LRP5: variants seen among roughly 807,000 people sequenced by gnomAD.
LRP5 encodes the protein LDL receptor related protein 5, also known as low-density lipoprotein receptor-related protein 5.
LRP5 carries 62 observed loss-of-function variants against 154.1 expected under a neutral mutation model. The observed-to-expected ratio is 0.40, with a 90% CI of 0.33 to 0.50. LRP5 has a LOEUF of 0.50. Among genes scored for constraint, LRP5 ranks in the 20% least tolerant of loss-of-function variants. The probability of loss-of-function intolerance (pLI) is 0.55; values close to 1 mark genes in which losing one functional copy is unlikely to be tolerated. For synonymous variants in LRP5, 966 were observed against 1,011.5 expected, an observed-to-expected ratio of 0.96 and a Z score of 0.85; for missense variants, 1,915 against 2,336.7, an observed-to-expected ratio of 0.82 and a Z score of 3.72.
intron 1 of LRP5, among the ~76,000 whole-genome samples, chr11:68,322,185 G>A (rs1163358479): frequency 2.6e-5 from 4 of 151,810 alleles, no homozygotes; most frequent in South Asian, 2.1e-4. Context: ...CCGAGCTGAC[G>A]TCCATGCCTA....
At chr11:68,390,089 A>C in intron 7 of LRP5, 37 bp downstream of exon 7, 1 of 1,609,556 alleles carries the variant, frequency 6.2e-7, no homozygotes, top group Non-Finnish European at 8.5e-7. Context: ...CCAGGAGGCC[A>C]GGCCCAGCCA....
At chr11:68,318,408 C>T (rs998062483) in intron 1 of LRP5, among the ~76,000 whole-genome samples, 1 of 150,394 alleles carries the variant, frequency 6.6e-6, no homozygotes, top group African/African-American at 2.5e-5. Flanking sequence ...GATTCAGTCA[C>T]CGCTTACTGC....
At position 68,374,528 on chromosome 11, in the gene LRP5, G is replaced by C. The variant is rs79552138; in HGVS notation, c.1015+8826G>C. On this transcript the variant is annotated intron_variant, in intron 5 of 22. Transcript: ENST00000294304. Reference sequence around the variant, plus strand: ...GAGTGCTAACTTTATTTTTTTAATTGAGGTATAACTTGCAGGCAATAAAAC... The same window carrying C: ...GAGTGCTAACTTTATTTTTTTAATTCAGGTATAACTTGCAGGCAATAAAAC... Among the ~76,000 whole-genome samples, 596 of 152,202 alleles carry C rather than the reference G, an allele frequency of 3.9e-3. 7 individuals carry two copies. Among genetic ancestry groups the C allele is most frequent in the African/African-American group, 0.013 (556 of 41,508 alleles).
intron 1 of LRP5, among the ~76,000 whole-genome samples, chr11:68,334,615 C>G (rs2098604639): frequency 6.6e-6 from 1 of 152,120 alleles, no homozygotes; most frequent in Non-Finnish European, 1.5e-5. Flanking sequence ...CAGCTCATGC[C>G]TGTAATTCCA....
At chr11:68,351,258 G>T (rs2098618278) in intron 2 of LRP5, among the ~76,000 whole-genome samples, 1 of 152,066 alleles carries the variant, frequency 6.6e-6, no homozygotes, top group South Asian at 2.1e-4. Flanking sequence ...CCCCTCGTAT[G>T]CCCTCGCTGC....
chr11:68,342,307 TG>T (rs2098609648), intron 1 of LRP5, among the ~76,000 whole-genome samples: 1 of 152,138 alleles, frequency 6.6e-6, no homozygotes, highest in Non-Finnish European at 1.5e-5. Flanking sequence ...CACCAAAGGC[TG>T]GGTTTTCTTT....
chr11:68,327,788 C>T (rs543590761), intron 1 of LRP5, among the ~76,000 whole-genome samples: 39 of 152,292 alleles, frequency 2.6e-4, no homozygotes, highest in African/African-American at 8.7e-4. Context: ...GCAGGTTTCC[C>T]CCGGACGGAA....
At chr11:68,376,171 CTTTTT>C (rs60401481) in intron 5 of LRP5, among the ~76,000 whole-genome samples, 2 of 92,826 alleles carry the variant, frequency 2.2e-5, no homozygotes, top group Non-Finnish European at 4.1e-5. Flanking sequence ...GGCCCTGCTT[CTTTTT>C]TTTTTTTTTT....
At position 68,374,037 on chromosome 11, in the gene LRP5, G is replaced by A. The variant is rs368124599; in HGVS notation, c.1015+8335G>A. 6.6e-5 allele frequency among the ~76,000 whole-genome samples: 10 copies of A among 152,316 alleles called. No individual in the cohort carries two copies. In the East Asian group the frequency reaches 1.7e-3, roughly 26 times the overall value. ...CAGATGAGGCTGGGGTGCGGCTTGG[G>A]GATTTGTGGGCCGCTGGCCACAGCT... is the stretch of plus-strand genomic sequence containing the variant. On this transcript the variant is annotated intron_variant, in intron 5 of 22. Transcript: ENST00000294304.
In LRP5 at chr11:68,381,242, C is replaced by T. The variant is rs142793786; in HGVS notation, c.1016-5074C>T. ...GAGTCTGTCCCTGCAGACGTCTTGA[C>T]TTTTGATTGCAGGGATGCATGTCTT... On this transcript the variant is annotated intron_variant, in intron 5 of 22. Coordinates refer to ENST00000294304, the MANE Select transcript of LRP5 (RefSeq NM_002335.4). Among the ~76,000 whole-genome samples, 661 of 152,278 alleles carry T rather than the reference C, an allele frequency of 4.3e-3. 1 individual carries two copies. The highest frequency in any genetic ancestry group is 0.02 in the Middle Eastern group (6 of 294).
the LRP5 span, among the ~76,000 whole-genome samples, chr11:68,306,800 G>A: frequency 6.6e-6 from 1 of 152,172 alleles, no homozygotes; most frequent in African/African-American, 2.4e-5. Flanking sequence ...TTTCCCAGGA[G>A]GCAAGTTATG....
At chr11:68,392,230 G>T (rs561775761) in intron 7 of LRP5, among the ~76,000 whole-genome samples, 36 of 152,308 alleles carry the variant, frequency 2.4e-4, no homozygotes, top group Admixed American at 7.2e-4. Context: ...CAGGCTGGGC[G>T]TGGTGGCTTA....
chr11:68,396,391 C>T (rs970812428), intron 7 of LRP5, among the ~76,000 whole-genome samples: 1 of 152,158 alleles, frequency 6.6e-6, no homozygotes, highest in African/African-American at 2.4e-5. Context: ...GTGGTGTGCG[C>T]AGCTGGGCTG....
chr11:68,310,585 A>C (rs1306994726), upstream of LRP5, among the ~76,000 whole-genome samples: 1 of 152,056 alleles, frequency 6.6e-6, no homozygotes, highest in African/African-American at 2.4e-5. Context: ...GCCCCACTGC[A>C]CTCCAGCCTG....
intron 7 of LRP5, among the ~76,000 whole-genome samples, chr11:68,400,093 G>A (rs956406096): frequency 3.9e-5 from 6 of 152,108 alleles, no homozygotes; most frequent in African/African-American, 1.4e-4. Flanking sequence ...AGGAGATTCC[G>A]CAGGCCCTGC....
At chr11:68,306,058 G>A in the LRP5 span, among the ~76,000 whole-genome samples, 1 of 152,172 alleles carries the variant, frequency 6.6e-6, no homozygotes, top group Non-Finnish European at 1.5e-5. Context: ...GCTTGTGGCT[G>A]CATGGCTCCA....
intron 5 of LRP5, among the ~76,000 whole-genome samples, chr11:68,380,206 G>A (rs2098639556): frequency 6.6e-6 from 1 of 152,262 alleles, no homozygotes; most frequent in Non-Finnish European, 1.5e-5. Context: ...CCATCTAGTT[G>A]GGACAGGCCA....
At chr11:68,362,505 G>A (rs1412410133) in intron 3 of LRP5, among the ~76,000 whole-genome samples, 3 of 152,046 alleles carry the variant, frequency 2.0e-5, no homozygotes, top group Admixed American at 6.5e-5. Flanking sequence ...GCAACATGGC[G>A]AAACCCTGTC....
chr11:68,449,211 G>T lies in LRP5; in HGVS notation c.*141G>T. On this transcript the variant is annotated 3_prime_UTR_variant, in exon 23 of 23. Transcript: ENST00000294304. ...TGAGAAATGTGAACTGTGATGGGGT[G>T]GGCAGGGCTGGGAGAACTTTGTACA... The T allele has an allele frequency of 1.9e-6, 1 of 514,866 alleles. No homozygotes were observed. Among genetic ancestry groups the T allele is most frequent in the Admixed American group, 3.7e-5 (1 of 26,824 alleles). The allele number at this position is 514,866 out of a possible 1,614,324, so 31.9% of individuals were successfully genotyped here.
Sources: gnomAD v4.1 joint callset for allele counts (sites outside exome capture counted in the v4.1 genomes callset) on GRCh38, gnomAD v4.1.1 for gene constraint, MANE v1.5 for transcripts, NCBI Gene and HGNC (gene_info 2026-07-23, HGNC 2026-07-21) for gene names.